Variants in ECI2 observed in about 807,000 individuals in gnomAD.
ECI2 encodes the protein enoyl-CoA delta isomerase 2.
Under a neutral mutation model 38.4 loss-of-function variants are expected in ECI2, and 27 were observed. That is an observed-to-expected ratio of 0.70 (90% CI 0.52 to 0.97). The LOEUF is 0.97. Ranked by LOEUF, ECI2 falls within the 50% of genes least tolerant of loss-of-function variation. The pLI is 0.00. For synonymous variants in ECI2, 168 were observed against 172.0 expected (o/e 0.98, Z 0.18); for missense variants, 470 against 474.4 (o/e 0.99, Z 0.09).
At position 4,133,725 on chromosome 6, in the gene ECI2, G is replaced by C; in HGVS notation, c.51-14C>G. ...ACCTGCAGAGAACTACAATTAGGCA[G>C]ACTGATTTCTATTTGTTCCCAACCC... On this transcript the variant is annotated splice_polypyrimidine_tract_variant and intron_variant, in intron 1 of 9. Coordinates refer to ENST00000380118, the MANE Select transcript of ECI2 (RefSeq NM_206836.3). The C allele has an allele frequency of 3.8e-6, 6 of 1,581,858 alleles. No individual in the cohort carries two copies. Among genetic ancestry groups the C allele is most frequent in the Non-Finnish European group, 5.1e-6 (6 of 1,165,314 alleles).
At chr6:4,125,817 C>A (rs951017486) in intron 6 of ECI2, 1 of 458,754 alleles carries the variant, frequency 2.2e-6, no homozygotes, top group Non-Finnish European at 4.0e-6. Context: ...ATGGAAATCT[C>A]CCATTCCTCT....
At chr6:4,128,871 G>C (rs915155416) in intron 4 of ECI2, among the ~76,000 whole-genome samples, 2 of 152,156 alleles carry the variant, frequency 1.3e-5, no homozygotes, top group Non-Finnish European at 2.9e-5. Flanking sequence ...GGAGGTCCTG[G>C]AACCAATCCC....
chr6:4,124,627 G>A (rs548085776), intron 7 of ECI2, among the ~76,000 whole-genome samples: 3 of 152,214 alleles, frequency 2.0e-5, no homozygotes, highest in South Asian at 2.1e-4. Flanking sequence ...GGCAAGATAA[G>A]GAGTGATTTT....
At chr6:4,121,887 AT>A in intron 7 of ECI2, 1 of 930,114 alleles carries the variant, frequency 1.1e-6, no homozygotes, top group Non-Finnish European at 1.6e-6. Context: ...ATACATAAAA[AT>A]AATCACAATA....
At chr6:4,123,106 T>C (rs1201086914) in intron 7 of ECI2, among the ~76,000 whole-genome samples, 3 of 152,198 alleles carry the variant, frequency 2.0e-5, no homozygotes, top group African/African-American at 7.2e-5. Flanking sequence ...AAGCCAATAA[T>C]GGTAAATCTT....
At chr6:4,131,963 A>T (rs1303217723) in intron 2 of ECI2, among the ~76,000 whole-genome samples, 1 of 152,140 alleles carries the variant, frequency 6.6e-6, no homozygotes, top group East Asian at 1.9e-4. Context: ...GAGTTGGCCA[A>T]CCTAGAAGTT....
rs1271571803 is a variant in ECI2 at position 4,130,444 on chromosome 6, C to G, written c.429G>C (p.Val143=). 3 of 1,614,190 alleles carry G rather than the reference C, an allele frequency of 1.9e-6. No individual in the cohort carries two copies. The highest frequency in any genetic ancestry group is 2.5e-6 in the Non-Finnish European group (3 of 1,180,036). Residue 143 remains valine, a synonymous_variant, in exon 4 of 10, where the codon GTG becomes GTC. Coordinates refer to ENST00000380118, the MANE Select transcript of ECI2 (RefSeq NM_206836.3). ...DRKSTGFETL[V]VTSEDGITKI... is the part of the protein sequence containing the mutation. ...TTGTGATGCCATCTTCGGAGGTCAC[C>G]ACCAGAGTTTCAAACCCAGTTGATT...
At chr6:4,135,316 C>T (rs1428395098) in intron 1 of ECI2, 195 bp downstream of exon 1, 7 of 1,446,136 alleles carry the variant, frequency 4.8e-6, no homozygotes, top group Non-Finnish European at 6.4e-6. Flanking sequence ...CCTGACCACT[C>T]CGGGCCCAGC....
intron 8 of ECI2, chr6:4,117,663 C>G (rs1349609340): frequency 2.0e-6 from 1 of 506,362 alleles, no homozygotes; most frequent in Non-Finnish European, 3.3e-6. Flanking sequence ...AGGGCTGCTG[C>G]TTCTGTGTAT....
At chr6:4,119,153 T>C (rs191443378) in intron 8 of ECI2, 33 bp downstream of exon 8, 1 of 1,553,084 alleles carries the variant, frequency 6.4e-7, no homozygotes, top group Admixed American at 1.8e-5. Flanking sequence ...AGATGACTCA[T>C]AAAATTTTAT....
chr6:4,130,619 A>G, intron 3 of ECI2, 59 bp from the exon 4 acceptor site: 1 of 1,613,022 alleles, frequency 6.2e-7, no homozygotes, highest in Non-Finnish European at 8.5e-7. Context: ...ACTTTGAGAA[A>G]GTTACTATAC....
intron 2 of ECI2, 192 bp from the exon 3 acceptor site, chr6:4,131,057 T>C (rs1001694757): frequency 2.4e-5 from 12 of 495,164 alleles, no homozygotes; most frequent in Middle Eastern, 1.0e-3. Context: ...GAAAAAAGAC[T>C]GGAAATAAAT....
At position 4,125,317 on chromosome 6, in the gene ECI2, T is replaced by C. The variant is rs148485246; in HGVS notation, c.728A>G (p.Asn243Ser). ...GACGGAGATGCCCACAGCTGGACCATTGACCACTGCAATCAGAGGCTTAGG... is the reference window on the plus strand; with the variant it reads ...GACGGAGATGCCCACAGCTGGACCACTGACCACTGCAATCAGAGGCTTAGG... ...DFPKPLIAVV[N>S]GPAVGISVTL... The change falls in exon 7 of 10, where the codon AAT becomes AGT. Residue 243 changes from asparagine (N) to serine (S), a missense_variant. Coordinates refer to ENST00000380118, the MANE Select transcript of ECI2 (RefSeq NM_206836.3). 6.6e-5 allele frequency: 106 copies of C among 1,614,192 alleles called. No individual in the cohort carries two copies. The highest frequency in any genetic ancestry group is 1.1e-4 in the East Asian group (5 of 44,886).
At chr6:4,130,960 T>A in intron 2 of ECI2, 95 bp from the exon 3 acceptor site, 1 of 1,132,518 alleles carries the variant, frequency 8.8e-7, no homozygotes, top group Non-Finnish European at 1.3e-6. Flanking sequence ...CATGAATGCC[T>A]CCCCCAAATC....
At chr6:4,130,153 T>C in intron 4 of ECI2, 1 of 1,613,876 alleles carries the variant, frequency 6.2e-7, no homozygotes, top group Non-Finnish European at 8.5e-7. Flanking sequence ...AAAATCACAG[T>C]GCCTTCTGGG....
chr6:4,115,832 C>T lies in ECI2; in HGVS notation c.*42G>A, dbSNP rs1267657293. ...CAGTACTGGAAATCAGAGGTAACAG[C>T]ACATCCTTCCTTGGACATGCTTTAC... is the stretch of plus-strand genomic sequence containing the variant. On this transcript the variant is annotated 3_prime_UTR_variant, in exon 10 of 10. Coordinates refer to ENST00000380118, the MANE Select transcript of ECI2 (RefSeq NM_206836.3). 3.2e-6 allele frequency: 5 copies of T among 1,576,762 alleles called. No homozygotes were observed. Among genetic ancestry groups the T allele is most frequent in the Non-Finnish European group, 4.3e-6 (5 of 1,163,130 alleles).
intron 5 of ECI2, among the ~76,000 whole-genome samples, chr6:4,126,671 A>G (rs1055265000): frequency 2.6e-5 from 4 of 152,174 alleles, no homozygotes; most frequent in Non-Finnish European, 5.9e-5. Context: ...GAGCCACTGT[A>G]GCTGACTCAG....
At chr6:4,127,653 G>A in intron 5 of ECI2, 109 bp downstream of exon 5, 1 of 1,053,134 alleles carries the variant, frequency 9.5e-7, no homozygotes. Flanking sequence ...GACCTCGGGA[G>A]CCACCTGCCT....
chr6:4,132,021 T>G (rs1403277353), intron 2 of ECI2, among the ~76,000 whole-genome samples: 1 of 152,180 alleles, frequency 6.6e-6, no homozygotes, highest in Non-Finnish European at 1.5e-5. Context: ...GTCTCCTGAC[T>G]GTCCTCAATG....
Sources: allele counts gnomAD v4.1 joint callset (sites outside exome capture counted in the v4.1 genomes callset), GRCh38; gene constraint gnomAD v4.1.1; transcripts MANE v1.5; gene names NCBI Gene and HGNC (gene_info 2026-07-23, HGNC 2026-07-21).